The following FAM185A variants were observed in gnomAD, a reference collection of about 807,000 sequenced individuals.
FAM185A encodes the protein family with sequence similarity 185 member A.
A neutral mutation model predicts 45.7 loss-of-function variants in FAM185A; 21 were observed. That is an observed-to-expected ratio of 0.46 (90% CI 0.33 to 0.66). FAM185A has a LOEUF of 0.66. FAM185A is among the 30% of genes least tolerant of loss of function. FAM185A has a pLI of 0.03. For synonymous variants in FAM185A, 117 were observed against 194.0 expected, an observed-to-expected ratio of 0.60 and a Z score of 3.30; for missense variants, 305 against 485.4, an observed-to-expected ratio of 0.63 and a Z score of 3.49.
chr7:102,847,112 TC>T, the FAM185A span, among the ~76,000 whole-genome samples: 2 of 152,196 alleles, frequency 1.3e-5, no homozygotes, highest in Non-Finnish European at 2.9e-5. Flanking sequence ...TATGGCTGTT[TC>T]TATGCTCAAT....
intron 6 of FAM185A, among the ~76,000 whole-genome samples, chr7:102,780,322 T>C (rs1015498276): frequency 2.6e-5 from 4 of 151,876 alleles, no homozygotes; most frequent in African/African-American, 9.7e-5. Flanking sequence ...GAAATAGGAG[T>C]GTGTTGGTGA....
intron 7 of FAM185A, among the ~76,000 whole-genome samples, chr7:102,797,008 T>C (rs1435147622): frequency 6.6e-6 from 1 of 152,242 alleles, no homozygotes; most frequent in Non-Finnish European, 1.5e-5. Flanking sequence ...AGTATACTCT[T>C]GCCTAGAGTA....
At chr7:102,848,894 G>A in the FAM185A span, among the ~76,000 whole-genome samples, 27 of 152,208 alleles carry the variant, frequency 1.8e-4, no homozygotes, top group Non-Finnish European at 2.5e-4. Context: ...CAGCTACTCG[G>A]GAGGCTGAGG....
the FAM185A span, among the ~76,000 whole-genome samples, chr7:102,818,748 T>C: frequency 1.1e-4 from 17 of 151,868 alleles, no homozygotes; most frequent in African/African-American, 4.1e-4. Context: ...GGGCTCCAGA[T>C]AGAAATATAT....
chr7:102,833,596 CTT>C, the FAM185A span, among the ~76,000 whole-genome samples: 25 of 138,136 alleles, frequency 1.8e-4, no homozygotes, highest in Admixed American at 3.6e-4. Flanking sequence ...CCGGCTAATT[CTT>C]TTTTTTTTTT....
chr7:102,848,799 G>A, the FAM185A span, among the ~76,000 whole-genome samples: 3 of 151,996 alleles, frequency 2.0e-5, no homozygotes, highest in Admixed American at 6.6e-5. Flanking sequence ...AGGAGTTCGA[G>A]ACCAGTCTGG....
chr7:102,807,199 T>A (rs1797170335), intron 7 of FAM185A, among the ~76,000 whole-genome samples: 1 of 150,852 alleles, frequency 6.6e-6, no homozygotes, highest in Non-Finnish European at 1.5e-5. Flanking sequence ...GGTCGGAGGG[T>A]GACAGGAAGG....
chr7:102,797,471 G>A (rs1266191937), intron 7 of FAM185A, among the ~76,000 whole-genome samples: 17 of 152,230 alleles, frequency 1.1e-4, no homozygotes, highest in Admixed American at 9.8e-4. Context: ...GCGAGACTCC[G>A]TCTCAAAAAA....
At chr7:102,749,915 T>C (rs1793258111) in intron 1 of FAM185A, among the ~76,000 whole-genome samples, 1 of 152,236 alleles carries the variant, frequency 6.6e-6, no homozygotes, top group African/African-American at 2.4e-5. Context: ...ATTCTATTTC[T>C]GGAGCCGCTT....
At chr7:102,761,556 AT>A (rs1164170743) in intron 4 of FAM185A, 145 bp downstream of exon 4, 2 of 686,950 alleles carry the variant, frequency 2.9e-6, no homozygotes, top group Admixed American at 4.3e-5. Context: ...AAAAAAAACC[AT>A]AAAAATAAAA....
the FAM185A span, among the ~76,000 whole-genome samples, chr7:102,829,018 C>T: frequency 2.0e-5 from 3 of 152,164 alleles, no homozygotes; most frequent in African/African-American, 7.2e-5. Flanking sequence ...GGGGTACTGA[C>T]TGGAACAGCC....
At chr7:102,805,201 A>G (rs1224148816) in intron 7 of FAM185A, among the ~76,000 whole-genome samples, 1 of 152,212 alleles carries the variant, frequency 6.6e-6, no homozygotes, top group Admixed American at 6.5e-5. Context: ...GAGGAAAAGA[A>G]GTCATTGTAC....
the FAM185A span, among the ~76,000 whole-genome samples, chr7:102,819,438 T>C: frequency 6.6e-6 from 1 of 152,160 alleles, no homozygotes; most frequent in Admixed American, 6.5e-5. Flanking sequence ...GCCAATTTGC[T>C]CATTGACCAA....
At chr7:102,786,649 A>T (rs1031273956) in intron 6 of FAM185A, among the ~76,000 whole-genome samples, 2 of 152,190 alleles carry the variant, frequency 1.3e-5, no homozygotes, top group African/African-American at 4.8e-5. Flanking sequence ...GGACACAGGA[A>T]GGGGAACATC....
chr7:102,794,498 G>A (rs955795749), intron 7 of FAM185A, among the ~76,000 whole-genome samples: 3 of 151,992 alleles, frequency 2.0e-5, no homozygotes, highest in African/African-American at 7.3e-5. Flanking sequence ...TAAAAATACC[G>A]ATTATTCAAA....
intron 6 of FAM185A, among the ~76,000 whole-genome samples, chr7:102,785,839 T>C (rs2129441168): frequency 6.6e-6 from 1 of 151,468 alleles, no homozygotes; most frequent in African/African-American, 2.4e-5. Context: ...TGGGATCTAA[T>C]TAAACTAAAG....
chr7:102,778,796 T>C (rs1795230039), intron 6 of FAM185A, among the ~76,000 whole-genome samples: 1 of 152,188 alleles, frequency 6.6e-6, no homozygotes, highest in Non-Finnish European at 1.5e-5. Context: ...CTCAATACAC[T>C]TGGTAAGAGT....
the FAM185A span, among the ~76,000 whole-genome samples, chr7:102,832,666 G>C: frequency 6.6e-6 from 1 of 152,138 alleles, no homozygotes; most frequent in African/African-American, 2.4e-5. Flanking sequence ...ATTCTACTTT[G>C]ACACCAGTGG....
At chr7:102,789,566 G>A (rs184794110) in intron 7 of FAM185A, among the ~76,000 whole-genome samples, 2,943 of 132,888 alleles carry the variant, frequency 0.022, 4 homozygotes, top group African/African-American at 0.025. Flanking sequence ...AAAATTAGCC[G>A]GGCGTGGTGG....
Sources: allele counts gnomAD v4.1 joint callset (sites outside exome capture counted in the v4.1 genomes callset), GRCh38; gene constraint gnomAD v4.1.1; transcripts MANE v1.5; gene names NCBI Gene and HGNC (gene_info 2026-07-23, HGNC 2026-07-21).